CNOT2: variants seen among roughly 807,000 people sequenced by gnomAD.
CNOT2 encodes CCR4-NOT transcription complex subunit 2, also known as CC chemokine receptor 4-negative regulator of transcription 2.
In CNOT2, 7 loss-of-function variants were observed where a neutral mutation model predicts 72.1. That is an observed-to-expected ratio of 0.10 (90% CI 0.06 to 0.18). CNOT2 has a LOEUF of 0.18. CNOT2 is among the 10% of genes least tolerant of loss of function. The pLI, the probability that CNOT2 is intolerant of heterozygous loss-of-function variation, is 1.00. For missense variants in CNOT2, 345 were observed against 660.3 expected, an observed-to-expected ratio of 0.52 and a Z score of 5.23; for synonymous variants, 196 against 225.6, an observed-to-expected ratio of 0.87 and a Z score of 1.17.
At chr12:70,283,901 A>G (rs907799481) in intron 2 of CNOT2, among the ~76,000 whole-genome samples, 4 of 151,126 alleles carry the variant, frequency 2.6e-5, no homozygotes, top group Non-Finnish European at 5.9e-5. Context: ...ATGATCAGCA[A>G]CGGAAGTCAC....
rs372461644 is a variant in CNOT2, at chr12:70,271,502, C to T, written c.-95-6630C>T. Among the ~76,000 whole-genome samples, 11 of 151,152 alleles carry T rather than the reference C, an allele frequency of 7.3e-5. No individual in the cohort carries two copies. In the East Asian group the frequency reaches 1.6e-3, roughly 22 times the overall value. Reference sequence around the variant, plus strand: ...GATTTTACTGCTTCTGCCTCCTGAGCGACTGGGATTACAGGCACCCACCAT... The same window carrying T: ...GATTTTACTGCTTCTGCCTCCTGAGTGACTGGGATTACAGGCACCCACCAT... On this transcript the variant is annotated intron_variant, in intron 1 of 15. Transcript: ENST00000229195.
chr12:70,338,396 G>A, intron 9 of CNOT2, 47 bp from the exon 10 acceptor site: 1 of 1,519,594 alleles, frequency 6.6e-7, no homozygotes, highest in Non-Finnish European at 9.0e-7. Context: ...ACTTGAATTT[G>A]TATACTTAAC....
chr12:70,281,283 C>T (rs1437112039), intron 2 of CNOT2, among the ~76,000 whole-genome samples: 1 of 152,044 alleles, frequency 6.6e-6, no homozygotes, highest in African/African-American at 2.4e-5. Context: ...TGGAGTTTCA[C>T]CATGTTGGTC....
chr12:70,316,819 C>T (rs1014898104), intron 3 of CNOT2, among the ~76,000 whole-genome samples: 3 of 152,090 alleles, frequency 2.0e-5, no homozygotes, highest in African/African-American at 7.2e-5. Flanking sequence ...ACTCCCTCCT[C>T]CCATTTTGAG....
At chr12:70,263,294 C>A (rs1202245948) in intron 1 of CNOT2, among the ~76,000 whole-genome samples, 1 of 151,666 alleles carries the variant, frequency 6.6e-6, no homozygotes, top group Non-Finnish European at 1.5e-5. Flanking sequence ...TTTTTCTGTT[C>A]TTTTCTCTCT....
chr12:70,265,321 T>TTCTCTTCTCG (rs796521434), intron 1 of CNOT2, among the ~76,000 whole-genome samples: 6,358 of 146,746 alleles, frequency 0.043, 226 homozygotes, highest in Admixed American at 0.11. Context: ...TTCTCTTCTC[T>TTCTCTTCTCG]TCTCTTTCTT....
At chr12:70,275,764 A>T (rs902688397) in intron 1 of CNOT2, among the ~76,000 whole-genome samples, 1 of 152,088 alleles carries the variant, frequency 6.6e-6, no homozygotes, top group African/African-American at 2.4e-5. Flanking sequence ...TGTCTCTCAT[A>T]CTTGTTCCTT....
chr12:70,276,709 TTACTC>T (rs1307608683), intron 1 of CNOT2, among the ~76,000 whole-genome samples: 1 of 152,032 alleles, frequency 6.6e-6, no homozygotes, highest in Admixed American at 6.6e-5. Context: ...CTTTAAAACT[TTACTC>T]CTTTGTTATT....
chr12:70,338,334 A>T, intron 9 of CNOT2, 109 bp from the exon 10 acceptor site: 2 of 910,176 alleles, frequency 2.2e-6, no homozygotes, highest in Non-Finnish European at 3.2e-6. Flanking sequence ...GTAATAATTT[A>T]ACTACCAATT....
rs567399918 is a variant in CNOT2, at chr12:70,255,489, T to A, written c.-96+12009T>A. Reference sequence around the variant, plus strand: ...TGAAGCATTAAAAGTAAATACCATATAAGGCAAGCAGAATAGTACTAAATA... The same window carrying A: ...TGAAGCATTAAAAGTAAATACCATAAAAGGCAAGCAGAATAGTACTAAATA... On this transcript the variant is annotated intron_variant, in intron 1 of 15. Transcript: ENST00000229195. 3.2e-4 allele frequency among the ~76,000 whole-genome samples: 49 copies of A among 152,140 alleles called. No homozygotes were observed. In the South Asian group the frequency reaches 1.0e-2, roughly 31 times the overall value.
intron 3 of CNOT2, among the ~76,000 whole-genome samples, chr12:70,311,479 T>C (rs947556357): frequency 6.6e-6 from 1 of 152,022 alleles, no homozygotes; most frequent in African/African-American, 2.4e-5. Flanking sequence ...CTCTCCTCTG[T>C]TCAGCCATAG....
intron 14 of CNOT2, 42 bp from the exon 15 acceptor site, chr12:70,346,138 C>G (rs761446960): frequency 2.1e-6 from 3 of 1,401,294 alleles, no homozygotes; most frequent in South Asian, 1.2e-5. Flanking sequence ...TTGATGTAAG[C>G]CACAGGAAAA....
intron 2 of CNOT2, among the ~76,000 whole-genome samples, chr12:70,292,205 A>G (rs549766512): frequency 2.6e-5 from 4 of 152,316 alleles, no homozygotes; most frequent in African/African-American, 9.6e-5. Flanking sequence ...TGCACTTGAG[A>G]AGACTACATC....
intron 1 of CNOT2, among the ~76,000 whole-genome samples, chr12:70,250,378 T>G (rs929542121): frequency 6.6e-6 from 1 of 152,116 alleles, no homozygotes; most frequent in African/African-American, 2.4e-5. Flanking sequence ...AATTTAAAGT[T>G]GAGGCTCTGC....
intron 2 of CNOT2, among the ~76,000 whole-genome samples, chr12:70,308,584 T>TCTCTCTCTCTCACACACA (rs550679130): frequency 7.5e-6 from 1 of 133,238 alleles, no homozygotes; most frequent in African/African-American, 2.8e-5. Context: ...TCTCTCTCTC[T>TCTCTCTCTCTCACACACA]CACACACACA....
chr12:70,301,670 G>A (rs562384756), intron 2 of CNOT2: 1 of 152,142 alleles, frequency 6.6e-6, no homozygotes, highest in Admixed American at 6.5e-5. Context: ...CAAGGATATT[G>A]GTCTAAAATT....
chr12:70,300,961 T>C (rs1873842080), intron 2 of CNOT2, among the ~76,000 whole-genome samples: 1 of 152,184 alleles, frequency 6.6e-6, no homozygotes, highest in Admixed American at 6.5e-5. Flanking sequence ...GATTCCTAGG[T>C]ATTTTATTCT....
At chr12:70,294,433 A>G (rs1872498654) in intron 2 of CNOT2, 1 of 430,750 alleles carries the variant, frequency 2.3e-6, no homozygotes, top group Non-Finnish European at 3.8e-6. Context: ...TTTTCTCATA[A>G]AACTCATAAA....
chr12:70,300,403 G>A (rs1229699713), intron 2 of CNOT2, among the ~76,000 whole-genome samples: 3 of 152,218 alleles, frequency 2.0e-5, no homozygotes, highest in African/African-American at 7.2e-5. Flanking sequence ...TGTATAAGGT[G>A]TAAGGAAGTG....
Sources: gnomAD v4.1 joint callset for allele counts (sites outside exome capture counted in the v4.1 genomes callset) on GRCh38, gnomAD v4.1.1 for gene constraint, MANE v1.5 for transcripts, NCBI Gene and HGNC (gene_info 2026-07-23, HGNC 2026-07-21) for gene names.